GPR139: variants seen among roughly 807,000 people sequenced by gnomAD.
GPR139 encodes the protein probable G protein-coupled receptor 139.
GPR139 carries 12 observed loss-of-function variants against 25.8 expected under a neutral mutation model. That is an observed-to-expected ratio of 0.47 (90% CI 0.30 to 0.75). The LOEUF (loss-of-function observed/expected upper bound fraction) is 0.75. Ranked by LOEUF, GPR139 falls within the 30% of genes least tolerant of loss-of-function variation. The pLI, the probability that GPR139 is intolerant of heterozygous loss-of-function variation, is 0.07. For synonymous variants in GPR139, 184 were observed against 179.9 expected (o/e 1.02, Z -0.18); for missense variants, 380 against 450.2 (o/e 0.84, Z 1.41).
intron 1 of GPR139, among the ~76,000 whole-genome samples, chr16:20,044,583 G>T (rs907509717): frequency 6.6e-6 from 1 of 152,158 alleles, no homozygotes; most frequent in African/African-American, 2.4e-5. Flanking sequence ...AAAGAGGCGT[G>T]AAAGAAGAGA....
Position 20,073,700 on chromosome 16 carries a change from G to A in GPR139, c.-84C>T. 1 of 1,457,838 alleles carries A rather than the reference G, an allele frequency of 6.9e-7. No homozygotes were observed. The highest frequency in any genetic ancestry group is 1.4e-5 in the African/African-American group (1 of 69,650). The allele number at this position is 1,457,838 out of a possible 1,614,324, so 90.3% of individuals were successfully genotyped here. On this transcript the variant is annotated 5_prime_UTR_variant, in exon 1 of 2. Transcript: ENST00000570682. This position sits in a 1 kb window ranked among gnomAD's most constrained non-coding sequence, Gnocchi z 4.7. ...CGCCGGCTCGGTGGTGGCGGCGGCG[G>A]AGGCAGCGGCAGCTGGAGCAGCAGC...
intron 1 of GPR139, among the ~76,000 whole-genome samples, chr16:20,047,566 C>T (rs2057358568): frequency 6.6e-6 from 1 of 152,202 alleles, no homozygotes; most frequent in African/African-American, 2.4e-5. Context: ...AACAATAACA[C>T]GTGACATCGG....
chr16:20,054,727 CTTCT>C (rs1375576668), intron 1 of GPR139, among the ~76,000 whole-genome samples: 3 of 149,796 alleles, frequency 2.0e-5, no homozygotes, highest in African/African-American at 7.4e-5. Flanking sequence ...CCTTTCTTTC[CTTCT>C]TTTTTCTTTT....
At position 20,031,823 on chromosome 16, in the gene GPR139, GGGCTACTTGTTAT is replaced by G; in HGVS notation, c.961_973del (p.Ile321ProfsTer25). On this transcript the variant is annotated frameshift_variant, in exon 2 of 2. Transcript: ENST00000570682. LOFTEE classifies it high-confidence loss of function. ...GTGTGAGTTTGCCGGCGAGATCCAG[GGGCTACTTGTTAT>G]GGAAAAGTTATGATTGGTGTAGAAC... is the stretch of plus-strand genomic sequence containing the variant. 1 of 1,614,154 alleles carries G rather than the reference GGGCTACTTGTTAT, an allele frequency of 6.2e-7. No individual in the cohort carries two copies. Among genetic ancestry groups the G allele is most frequent in the Non-Finnish European group, 8.5e-7 (1 of 1,180,030 alleles).
chr16:20,037,582 T>C (rs1352746623), intron 1 of GPR139, among the ~76,000 whole-genome samples: 1 of 152,184 alleles, frequency 6.6e-6, no homozygotes, highest in Non-Finnish European at 1.5e-5. Flanking sequence ...CAGCTTCTTA[T>C]GTTCATAGAA....
chr16:20,035,322 G>A (rs1362088155), intron 1 of GPR139, among the ~76,000 whole-genome samples: 1 of 152,176 alleles, frequency 6.6e-6, no homozygotes, highest in African/African-American at 2.4e-5. Flanking sequence ...TATTCCCAGT[G>A]GGCTGGGGGT....
At chr16:20,057,472 T>TATGGGATTA (rs2057393649) in intron 1 of GPR139, among the ~76,000 whole-genome samples, 1 of 152,090 alleles carries the variant, frequency 6.6e-6, no homozygotes, top group African/African-American at 2.4e-5. Context: ...AGATTACATT[T>TATGGGATTA]ATGGGATTAA....
chr16:20,036,262 A>G lies in GPR139; in HGVS notation c.128-3593T>C, dbSNP rs1262988105. On this transcript the variant is annotated intron_variant, in intron 1 of 1. Transcript: ENST00000570682. ...TAAAGAGGTTGAGGTCTAAAGGTCT[A>G]TTGAATCAAGGGTATAGGAGCTCAG... Among the ~76,000 whole-genome samples the G allele has an allele frequency of 4.6e-5, 7 of 152,302 alleles. No individual in the cohort carries two copies. In the East Asian group the frequency reaches 1.4e-3, roughly 29 times the overall value.
At chr16:20,051,643 G>C (rs536557497) in intron 1 of GPR139, among the ~76,000 whole-genome samples, 4 of 152,298 alleles carry the variant, frequency 2.6e-5, no homozygotes, top group South Asian at 4.1e-4. Context: ...TCAAGGAGGC[G>C]TAATTATATG....
chr16:20,061,511 T>C (rs1170873169), intron 1 of GPR139, among the ~76,000 whole-genome samples: 1 of 152,244 alleles, frequency 6.6e-6, no homozygotes, highest in Non-Finnish European at 1.5e-5. Context: ...GTGCATTGTC[T>C]GATTGTGCTC....
chr16:20,072,345 T>C (rs2057462618), intron 1 of GPR139, among the ~76,000 whole-genome samples: 1 of 152,094 alleles, frequency 6.6e-6, no homozygotes, highest in Non-Finnish European at 1.5e-5. Flanking sequence ...GGAAAGGAAA[T>C]CTCAGCCAGG....
intron 1 of GPR139, among the ~76,000 whole-genome samples, chr16:20,047,975 TAGAC>T (rs1245107643): frequency 7.2e-5 from 11 of 152,198 alleles, no homozygotes; most frequent in East Asian, 1.9e-4. Flanking sequence ...TCTTTACTAT[TAGAC>T]AGGGTAAAAG....
rs1379308573 is a variant in GPR139 at position 20,028,740 on chromosome 16, A to C, written c.*2995T>G. ...TCAGCCGTCAAGTTGTTCAATAAAA[A>C]GACACAGCATGGTGGTGCGTATCAT... On this transcript the variant is annotated 3_prime_UTR_variant, in exon 2 of 2. Transcript: ENST00000570682. Among the ~76,000 whole-genome samples the C allele has an allele frequency of 1.3e-5, 2 of 152,234 alleles. No homozygotes were observed. The highest frequency in any genetic ancestry group is 3.8e-4 in the East Asian group (2 of 5,200).
At chr16:20,069,262 T>C (rs137907235) in intron 1 of GPR139, among the ~76,000 whole-genome samples, 776 of 62,928 alleles carry the variant, frequency 0.012, 6 homozygotes, top group Middle Eastern at 0.032. Context: ...TGTAGACTAT[T>C]CTTATAATCA....
In GPR139 at chr16:20,032,038, A is replaced by G. The variant is rs2057291325; in HGVS notation, c.759T>C (p.Tyr253=). 1 of 1,614,112 alleles carries G rather than the reference A, an allele frequency of 6.2e-7. No individual in the cohort carries two copies. Residue 253 remains tyrosine (Y), a synonymous_variant, in exon 2 of 2, where the codon TAT becomes TAC. Transcript: ENST00000570682. ...PRIIMILYHL[Y]GAPIQNRWLV... Reference sequence around the variant, plus strand: ...GCCAGCGGTTCTGGATGGGCGCCCCATAGAGGTGGTAAAGAATCATGATGA... The same window carrying G: ...GCCAGCGGTTCTGGATGGGCGCCCCGTAGAGGTGGTAAAGAATCATGATGA...
intron 1 of GPR139, among the ~76,000 whole-genome samples, chr16:20,039,966 A>G (rs538897213): frequency 4.6e-5 from 7 of 152,324 alleles, no homozygotes; most frequent in Middle Eastern, 3.4e-3. Context: ...AGGTTAGGTC[A>G]TAAGTGGGTC....
chr16:20,032,116 G>C lies in GPR139; in HGVS notation c.681C>G (p.Thr227=). ...TGGAGGTAATGGTGAACAAGATGGC[G>C]GTGGTCTTCCCCGTGGAGTAGCCAC... ...RLRGYSTGKT[T]AILFTITSIF... is the part of the protein sequence containing the mutation. The change falls in exon 2 of 2, where the codon ACC becomes ACG. Residue 227 remains threonine (T), a synonymous_variant. Coordinates refer to ENST00000570682, the MANE Select transcript of GPR139 (RefSeq NM_001002911.4). 1.2e-6 allele frequency: 2 copies of C among 1,614,192 alleles called. No homozygotes were observed. Among genetic ancestry groups the C allele is most frequent in the South Asian group, 1.1e-5 (1 of 91,074 alleles).
chr16:20,072,002 AC>A (rs1412674056), intron 1 of GPR139, among the ~76,000 whole-genome samples: 4 of 152,150 alleles, frequency 2.6e-5, no homozygotes, highest in Non-Finnish European at 4.4e-5. Context: ...TCATCAAATA[AC>A]CAACCTTCTC....
At chr16:20,041,126 G>T (rs966193597) in intron 1 of GPR139, among the ~76,000 whole-genome samples, 41 of 1,072 alleles carry the variant, frequency 0.038, 1 homozygote, top group Non-Finnish European at 0.086. Context: ...GAAAGGAAAG[G>T]AAAGGAGAGG....
Sources: gnomAD v4.1 joint callset for allele counts (sites outside exome capture counted in the v4.1 genomes callset) on GRCh38, gnomAD v4.1.1 for gene constraint, Gnocchi (gnomAD v3.1) non-coding constraint, MANE v1.5 for transcripts, NCBI Gene and HGNC (gene_info 2026-07-23, HGNC 2026-07-21) for gene names.